The following ZNF512B variants were observed in gnomAD, a reference collection of about 807,000 sequenced individuals.
ZNF512B encodes zinc finger protein 512B.
A neutral mutation model predicts 87.8 loss-of-function variants in ZNF512B; 22 were observed. The observed-to-expected ratio is 0.25, with a 90% CI of 0.18 to 0.36. ZNF512B has a LOEUF of 0.36. ZNF512B is among the 10% of genes least tolerant of loss of function. ZNF512B has a pLI of 1.00. For synonymous variants in ZNF512B, 524 were observed against 490.9 expected (o/e 1.07, Z -0.89); for missense variants, 1,060 against 1,231.6 (o/e 0.86, Z 2.09).
Position 63,960,000 on chromosome 20 carries a change from G to A in ZNF512B, c.2567C>T (p.Pro856Leu). The change falls in exon 17 of 17, where the codon CCT (proline) becomes CTT (leucine). Residue 856 changes from proline (P) to leucine (L), a missense_variant. By Grantham distance (98) the Pro-to-Leu change is moderately conservative. Around this residue, in one of 9 missense-constraint regions of ZNF512B, gnomAD observed 253 missense variants for 259.2 expected, o/e 0.98. Coordinates refer to ENST00000369888, the MANE Select transcript of ZNF512B (RefSeq NM_020713.3). Reference protein sequence around the residue: ...RKPKERTPEEPVAKLPPRRDD... With the variant: ...RKPKERTPEELVAKLPPRRDD... ...CCGGCGCGGGGGCAGCTTGGCCACA[G>A]GCTCCTCTGGGGTCCGCTCCTTGGG... 1 of 1,613,284 alleles carries A rather than the reference G, an allele frequency of 6.2e-7. No individual in the cohort carries two copies. The highest frequency in any genetic ancestry group is 8.5e-7 in the Non-Finnish European group (1 of 1,180,006).
rs6011239 is a variant in ZNF512B, at chr20:63,962,523, A to C, written c.2163+64T>G. ...CACAGCAGTGGCTGTCCCAAGTCTC[A>C]GGCCAAGGCATGCCCCACGCAGAGG... On this transcript the variant is annotated intron_variant, in intron 13 of 16. Coordinates refer to ENST00000369888, the MANE Select transcript of ZNF512B (RefSeq NM_020713.3). 2.6e-6 allele frequency: 4 copies of C among 1,559,580 alleles called. No homozygotes were observed. The African/African-American group carries it at 5.4e-5, about 21-fold the overall frequency.
chr20:63,963,546 G>A (rs817324), intron 10 of ZNF512B, 72 bp downstream of exon 10: 328,104 of 1,596,524 alleles, frequency 0.21, 36,236 homozygotes, highest in Non-Finnish European at 0.23. Flanking sequence ...GTTAGAAACC[G>A]GGGGCACTGC....
In ZNF512B at chr20:63,962,656, C is replaced by T. The variant is rs200049445; in HGVS notation, c.2094G>A (p.Ala698=). The T allele has an allele frequency of 1.6e-4, 263 of 1,606,656 alleles. 5 individuals are homozygous for T. In the Admixed American group the frequency reaches 3.9e-3, roughly 24 times the overall value. ...QVAVFHLQEI[A]EDELARDWTK... ...TCCAGTCGCGGGCCAGCTCGTCCTC[C>T]GCTATCTCCTGCAGGTGGAACACCG... Residue 698 remains alanine (A), a synonymous_variant, in exon 13 of 17, where the codon GCG becomes GCA. Transcript: ENST00000369888.
Position 63,963,150 on chromosome 20 carries a change from G to A in ZNF512B, c.1913C>T (p.Thr638Met), listed in dbSNP as rs748346953. 5.2e-6 allele frequency: 8 copies of A among 1,552,290 alleles called. No homozygotes were observed. The highest frequency in any genetic ancestry group is 6.1e-6 in the Non-Finnish European group (7 of 1,155,288). ...PSFPCTHCGK[T>M]YRSKAGHDYH... ...GTCGTGGCCAGCCTTGGATCGGTAC[G>A]TCTTGCCACAGTGGGTGCAGGGGAA... Residue 638 changes from threonine (T) to methionine (M), a missense_variant, in exon 12 of 17, where the codon ACG becomes ATG. Physicochemically the swap from Thr to Met is moderately conservative, Grantham distance 81. Transcript: ENST00000369888.
chr20:63,964,871 T>C (rs149413581), intron 5 of ZNF512B, among the ~76,000 whole-genome samples, 155 bp from the exon 6 acceptor site: 951 of 47,788 alleles, frequency 0.02, 34 homozygotes, highest in East Asian at 0.053. Flanking sequence ...TACCTTTTCT[T>C]ACCACTGTTC....
rs542797726 is a variant in ZNF512B at position 63,967,599 on chromosome 20, G to A, written c.122-76C>T. ...ACCGGCGGCTGCACAGGCCCACAGT[G>A]AGCACCGCTGTCCCAACACGAGGGC... On this transcript the variant is annotated intron_variant, in intron 2 of 16. Transcript: ENST00000369888. The A allele has an allele frequency of 3.5e-3, 5,233 of 1,513,866 alleles. 8 individuals are homozygous for A. The highest frequency in any genetic ancestry group is 4.1e-3 in the Non-Finnish European group (4,682 of 1,132,400). The allele number at this position is 1,513,866 out of a possible 1,614,324, so 93.8% of individuals were successfully genotyped here.
chr20:63,958,481 T>C lies in ZNF512B; in HGVS notation c.*1407A>G, dbSNP rs1473497944. 1.3e-5 allele frequency: 2 copies of C among 152,278 alleles called. No homozygotes were observed. Among genetic ancestry groups the C allele is most frequent in the East Asian group, 3.9e-4 (2 of 5,188 alleles). 9.4% of individuals were successfully genotyped at this position (152,278 alleles called of 1,614,324 possible). ...ACACGCACACGGGCAAACATCAAAA[T>C]TCTCATCGTCCAGGGTCAGTGGGGC... On this transcript the variant is annotated 3_prime_UTR_variant, in exon 17 of 17. Transcript: ENST00000369888.
At position 63,962,781 on chromosome 20, in the gene ZNF512B, G is replaced by T; in HGVS notation, c.1969C>A (p.Pro657Thr). 2 of 1,592,654 alleles carry T rather than the reference G, an allele frequency of 1.3e-6. No homozygotes were observed. The highest frequency in any genetic ancestry group is 1.7e-6 in the Non-Finnish European group (2 of 1,168,954). The part of the protein sequence containing the change: ...YHVRSEHTAP[P>T]PEEPTDKSPE... ...GACTTGTCTGTGGGCTCCTCAGGGG[G>T]CTGGAGGGCAGGAAGGCATGGAGGC... The change falls in exon 13 of 17, where the codon CCC becomes ACC. Residue 657 changes from proline (P) to threonine (T), a missense_variant and splice_region_variant. Physicochemically the swap from Pro to Thr is conservative, Grantham distance 38. This residue lies in a region of ZNF512B where 165 missense variants were observed against 173.0 expected (regional missense o/e 0.95). Transcript: ENST00000369888.
chr20:63,964,758 G>A (rs757948698), intron 5 of ZNF512B, 42 bp from the exon 6 acceptor site: 7 of 1,598,090 alleles, frequency 4.4e-6, no homozygotes, highest in Non-Finnish European at 6.0e-6. Context: ...GGGCCTAACT[G>A]TGGGCCCCAT....
Position 63,967,516 on chromosome 20 carries a change from C to G in ZNF512B, c.129G>C (p.Pro43=). 6.2e-7 allele frequency: 1 copy of G among 1,601,070 alleles called. No individual in the cohort carries two copies. Among genetic ancestry groups the G allele is most frequent in the Non-Finnish European group, 8.5e-7 (1 of 1,173,020 alleles). The change falls in exon 3 of 17, where the codon CCG becomes CCC. Residue 43 remains proline (P), a synonymous_variant. Transcript: ENST00000369888. ...GCACTGTCTGTCCACCACGGACCACCGGCATCCCTGCAGCACACAACACAG... is the reference window on the plus strand; with the variant it reads ...GCACTGTCTGTCCACCACGGACCACGGGCATCCCTGCAGCACACAACACAG... The part of the protein sequence containing the change: ...MLHDPPKMGM[P]VVRGGQTVPG...
At position 63,957,928 on chromosome 20, in the gene ZNF512B, A is replaced by C. The variant is rs1404060113; in HGVS notation, c.*1960T>G. 6.6e-6 allele frequency: 1 copy of C among 151,238 alleles called. No homozygotes were observed. The highest frequency in any genetic ancestry group is 1.5e-5 in the Non-Finnish European group (1 of 67,964). 9.4% of individuals were successfully genotyped at this position (151,238 alleles called of 1,614,324 possible). On this transcript the variant is annotated 3_prime_UTR_variant, in exon 17 of 17. Coordinates refer to ENST00000369888, the MANE Select transcript of ZNF512B (RefSeq NM_020713.3). ...AGCTCCACCAGTGAAGCTCTGGGAC[A>C]CAGGAAGGAATGCCTCCCCCGACCC...
In ZNF512B at chr20:63,963,559, T is replaced by C. The variant is rs2058881356; in HGVS notation, c.1698+59A>G. ...AGGTTAGAAACCGGGGGCACTGCGG[T>C]GAAGGTGGGGTGCGAGGTCAGAGGT... is the stretch of plus-strand genomic sequence containing the variant. On this transcript the variant is annotated intron_variant, in intron 10 of 16. Transcript: ENST00000369888. 2.5e-6 allele frequency: 4 copies of C among 1,602,698 alleles called. No homozygotes were observed. In the African/African-American group the frequency reaches 5.4e-5, roughly 21 times the overall value.
intron 1 of ZNF512B, chr20:63,969,074 C>T (rs1170428407): frequency 3.1e-6 from 3 of 978,094 alleles, no homozygotes; most frequent in Non-Finnish European, 1.2e-6. Context: ...CAGTCACTGC[C>T]CATTGCCAAG....
At chr20:63,962,246 G>A (rs201183499) in intron 14 of ZNF512B, 27 bp downstream of exon 14, 50 of 1,582,284 alleles carry the variant, frequency 3.2e-5, no homozygotes, top group East Asian at 2.2e-4. Flanking sequence ...GGCTCCCCAC[G>A]CCCCCCACCC....
At chr20:63,962,925 A>C in intron 12 of ZNF512B, 144 bp from the exon 13 acceptor site, 1 of 1,253,860 alleles carries the variant, frequency 8.0e-7, no homozygotes. Flanking sequence ...ACCCGAGGGA[A>C]CACGGAGGTT....
rs753430000 is a variant in ZNF512B at position 63,966,929 on chromosome 20, G to C, written c.340C>G (p.Leu114Val). ...RVKCPNSGCW[L>V]EFPSIYGLKY... ...AGCCCGTAGATGCTGGGGAACTCCA[G>C]CCAGCACCCTGAGTTTGGACACTTC... The change falls in exon 4 of 17, where the codon CTG becomes GTG. Residue 114 changes from leucine to valine, a missense_variant. This residue lies in a region of ZNF512B where 32 missense variants were observed against 68.0 expected (regional missense o/e 0.47). Coordinates refer to ENST00000369888, the MANE Select transcript of ZNF512B (RefSeq NM_020713.3). 6.2e-7 allele frequency: 1 copy of C among 1,613,852 alleles called. No homozygotes were observed. Among genetic ancestry groups the C allele is most frequent in the Non-Finnish European group, 8.5e-7 (1 of 1,180,022 alleles).
Position 63,959,790 on chromosome 20 carries a change from G to C in ZNF512B, c.*98C>G. 6.9e-7 allele frequency: 1 copy of C among 1,444,852 alleles called. No homozygotes were observed. The highest frequency in any genetic ancestry group is 9.1e-7 in the Non-Finnish European group (1 of 1,098,150). The allele number at this position is 1,444,852 out of a possible 1,614,324, so 89.5% of individuals were successfully genotyped here. Reference sequence around the variant, plus strand: ...TGGACGGATGAAGAGGCGGGGGTGGGGGATGGAGAACTGGAGGACAGAGGT... The same window carrying C: ...TGGACGGATGAAGAGGCGGGGGTGGCGGATGGAGAACTGGAGGACAGAGGT... On this transcript the variant is annotated 3_prime_UTR_variant, in exon 17 of 17. Transcript: ENST00000369888.
intron 14 of ZNF512B, 40 bp downstream of exon 14, chr20:63,962,233 T>C (rs1363886704): frequency 6.4e-7 from 1 of 1,563,712 alleles, no homozygotes. Flanking sequence ...TCTGGCCCTG[T>C]ATGGCTCCCC....
chr20:63,967,256 A>G, intron 3 of ZNF512B, 125 bp downstream of exon 3: 2 of 1,421,706 alleles, frequency 1.4e-6, no homozygotes, highest in Admixed American at 2.3e-5. Context: ...GAAGTCTGCC[A>G]GGCCAGTGCC....
Sources: gnomAD v4.1 joint callset for allele counts (sites outside exome capture counted in the v4.1 genomes callset) on GRCh38, gnomAD v4.1.1 for gene constraint, gnomAD v4.1.1 regional missense constraint, MANE v1.5 for transcripts, NCBI Gene and HGNC (gene_info 2026-07-23, HGNC 2026-07-21) for gene names.